The following ABCB11 variants were observed in gnomAD, a reference collection of about 807,000 sequenced individuals.
ABCB11 encodes bile salt export pump.
In ABCB11, 95 loss-of-function variants were observed where a neutral mutation model predicts 148.0. That is an observed-to-expected ratio of 0.64 (90% CI 0.54 to 0.76). The LOEUF (loss-of-function observed/expected upper bound fraction) is 0.76. Ranked by LOEUF, ABCB11 falls within the 30% of genes least tolerant of loss-of-function variation. ABCB11 has a pLI of 0.00. For missense variants in ABCB11, 1,523 were observed against 1,617.8 expected (o/e 0.94, Z 1.01); for synonymous variants, 591 against 555.4 (o/e 1.06, Z -0.90).
intron 23 of ABCB11, 53 bp downstream of exon 23, chr2:168,935,130 GC>G: frequency 1.9e-6 from 3 of 1,604,576 alleles, no homozygotes; most frequent in Non-Finnish European, 2.6e-6. Flanking sequence ...ACAGAACCAG[GC>G]TATTCCTTCC....
At chr2:168,946,953 C>A (rs117589751) in intron 19 of ABCB11, among the ~76,000 whole-genome samples, 1 of 151,708 alleles carries the variant, frequency 6.6e-6, no homozygotes. Context: ...TCTCTCTATC[C>A]ATAATCTTTT....
intron 27 of ABCB11, among the ~76,000 whole-genome samples, chr2:168,924,162 T>C (rs1403604366): frequency 1.3e-5 from 2 of 152,222 alleles, no homozygotes; most frequent in African/African-American, 4.8e-5. Context: ...CTGCTCTTCA[T>C]TGAAGACATT....
At chr2:168,990,690 C>A in intron 9 of ABCB11, 111 bp downstream of exon 9, 1 of 1,369,016 alleles carries the variant, frequency 7.3e-7, no homozygotes, top group South Asian at 1.3e-5. Context: ...CAAGTACTTC[C>A]TCTGGAGGCC....
Position 168,935,324 on chromosome 2 carries a change from C to A in ABCB11, c.2916G>T (p.Lys972Asn). 2 of 1,614,012 alleles carry A rather than the reference C, an allele frequency of 1.2e-6. No individual in the cohort carries two copies. The highest frequency in any genetic ancestry group is 2.7e-5 in the African/African-American group (2 of 75,062). ...AAATATTGGCTTTCTGAATGGCTGT[C>A]TTGAAGGGCTTCTCCAGCTCAGTCT... ...ALETELEKPF[K>N]TAIQKANIYG... Residue 972 changes from lysine to asparagine, a missense_variant, in exon 23 of 28, where the codon AAG (lysine) becomes AAT (asparagine). Lys to Asn is a moderately conservative substitution (Grantham distance 94). Coordinates refer to ENST00000650372, the MANE Select transcript of ABCB11 (RefSeq NM_003742.4).
intron 10 of ABCB11, among the ~76,000 whole-genome samples, chr2:168,983,677 C>G (rs1418203353): frequency 3.9e-5 from 6 of 152,124 alleles, no homozygotes; most frequent in Non-Finnish European, 8.8e-5. Flanking sequence ...CTGATAATCA[C>G]TTCCATTTGC....
chr2:168,997,605 G>A (rs1694755540), intron 5 of ABCB11, among the ~76,000 whole-genome samples: 1 of 151,976 alleles, frequency 6.6e-6, no homozygotes, highest in Non-Finnish European at 1.5e-5. Context: ...AAATGGTATA[G>A]AGTCTACTTT....
intron 21 of ABCB11, among the ~76,000 whole-genome samples, chr2:168,939,605 A>T (rs1691974711): frequency 6.6e-6 from 1 of 152,112 alleles, no homozygotes. Flanking sequence ...GCTTGAGAGA[A>T]TCACCTCTAC....
intron 10 of ABCB11, 112 bp downstream of exon 10, chr2:168,985,998 A>G (rs1694304614): frequency 1.2e-5 from 11 of 894,988 alleles, no homozygotes; most frequent in Non-Finnish European, 1.6e-5. Flanking sequence ...CCATAAAATC[A>G]TTGATGCTTT....
At chr2:168,926,888 C>T (rs907990542) in intron 26 of ABCB11, among the ~76,000 whole-genome samples, 1 of 152,164 alleles carries the variant, frequency 6.6e-6, no homozygotes, top group African/African-American at 2.4e-5. Flanking sequence ...ACTTTATACA[C>T]ATAGCCCAGA....
At chr2:169,024,782 C>G (rs191795952) in intron 1 of ABCB11, among the ~76,000 whole-genome samples, 16 of 152,078 alleles carry the variant, frequency 1.1e-4, no homozygotes, top group African/African-American at 3.6e-4. Flanking sequence ...TTTTAATGAC[C>G]TTGGCAGTTT....
chr2:169,008,000 A>T, intron 5 of ABCB11, among the ~76,000 whole-genome samples: 1 of 152,210 alleles, frequency 6.6e-6, no homozygotes, highest in East Asian at 1.9e-4. Context: ...TTTATTTCCA[A>T]ATGAAAGATC....
rs138800291 is a variant in ABCB11, at chr2:169,014,327, G to T, written c.126C>A (p.Gly42=). Residue 42 remains glycine (G), a synonymous_variant, in exon 4 of 28, where the codon GGC becomes GGA. Transcript: ENST00000650372. ...SRLQDEKKGD[G]VRVGFFQLFR... ...CCAATTGAAAGAAGCCAACTCTAAC[G>T]CCATCACCTTTCTTCTCATCTTGTA... 5.6e-6 allele frequency: 9 copies of T among 1,613,244 alleles called. No individual in the cohort carries two copies. The highest frequency in any genetic ancestry group is 2.2e-5 in the East Asian group (1 of 44,830).
intron 19 of ABCB11, among the ~76,000 whole-genome samples, chr2:168,955,515 CA>C (rs1692750136): frequency 6.6e-6 from 1 of 151,548 alleles, no homozygotes; most frequent in Non-Finnish European, 1.5e-5. Flanking sequence ...ATGAGAACAG[CA>C]AGGGGGAAAT....
At chr2:168,920,512 A>T (rs1691041855), downstream of ABCB11, among the ~76,000 whole-genome samples, 1 of 150,986 alleles carries the variant, frequency 6.6e-6, no homozygotes, top group Non-Finnish European at 1.5e-5. Context: ...TTACTTTCAG[A>T]GAAATTTCCC....
At chr2:169,026,281 A>C (rs1695691854) in intron 1 of ABCB11, among the ~76,000 whole-genome samples, 1 of 152,120 alleles carries the variant, frequency 6.6e-6, no homozygotes, top group Non-Finnish European at 1.5e-5. Context: ...CAAGTGCATC[A>C]CTCTGAACTT....
At chr2:168,958,889 T>C (rs556067442) in intron 18 of ABCB11, among the ~76,000 whole-genome samples, 2 of 151,896 alleles carry the variant, frequency 1.3e-5, no homozygotes, top group Non-Finnish European at 3.0e-5. Context: ...ATTAATTCAT[T>C]AATTTGTTAA....
chr2:169,025,053 T>C (rs774009782), intron 1 of ABCB11, among the ~76,000 whole-genome samples: 65 of 152,310 alleles, frequency 4.3e-4, no homozygotes, highest in Non-Finnish European at 7.2e-4. Context: ...GACTCTTTAA[T>C]AATGAGAAAA....
intron 7 of ABCB11, among the ~76,000 whole-genome samples, chr2:168,994,635 T>C (rs1694657310): frequency 1.3e-5 from 2 of 152,102 alleles, no homozygotes; most frequent in Non-Finnish European, 2.9e-5. Context: ...GCATTTCTTA[T>C]TTCCCCTACG....
At chr2:168,978,398 A>T (rs192869461) in intron 11 of ABCB11, among the ~76,000 whole-genome samples, 1 of 151,956 alleles carries the variant, frequency 6.6e-6, no homozygotes, top group African/African-American at 2.4e-5. Context: ...GGCCTCCCAA[A>T]GTGCTGGGAT....
Sources: allele counts gnomAD v4.1 joint callset (sites outside exome capture counted in the v4.1 genomes callset), GRCh38; gene constraint gnomAD v4.1.1; transcripts MANE v1.5; gene names NCBI Gene and HGNC (gene_info 2026-07-23, HGNC 2026-07-21).